Variants in FHIP1A observed in about 807,000 individuals in gnomAD.
FHIP1A encodes the protein FHF complex subunit HOOK interacting protein 1A.
A neutral mutation model predicts 88.6 loss-of-function variants in FHIP1A; 61 were observed. The observed-to-expected ratio is 0.69, with a 90% CI of 0.56 to 0.85. The LOEUF is 0.85. FHIP1A is among the 40% of genes least tolerant of loss of function. The pLI is 0.00. For missense variants in FHIP1A, 1,154 were observed against 1,273.5 expected, an observed-to-expected ratio of 0.91 and a Z score of 1.43; for synonymous variants, 478 against 496.0, an observed-to-expected ratio of 0.96 and a Z score of 0.48.
intron 2 of FHIP1A, among the ~76,000 whole-genome samples, chr4:151,468,428 G>A (rs1207209778): frequency 6.6e-6 from 1 of 152,118 alleles, no homozygotes; most frequent in Non-Finnish European, 1.5e-5. Context: ...AGAACCACTG[G>A]TGTCAGTGAA....
chr4:151,572,579 A>C (rs939401226), intron 4 of FHIP1A, among the ~76,000 whole-genome samples: 14 of 152,180 alleles, frequency 9.2e-5, no homozygotes, highest in African/African-American at 3.4e-4. Context: ...CTGTATGGAA[A>C]CTTTTGTGTA....
chr4:151,668,849 G>A lies in FHIP1A; in HGVS notation c.*6095G>A, dbSNP rs1482273178. 8.9e-6 allele frequency among the ~76,000 whole-genome samples: 1 copy of A among 111,946 alleles called. No individual in the cohort carries two copies. The highest frequency in any genetic ancestry group is 4.2e-5 in the African/African-American group (1 of 23,656). 73.4% of individuals were successfully genotyped at this position (111,946 alleles called of 152,430 possible). On this transcript the variant is annotated 3_prime_UTR_variant, in exon 14 of 14. Coordinates refer to ENST00000435205, the MANE Select transcript of FHIP1A (RefSeq NM_001109977.3). ...CAGGGTTTGGGCCTGACCAGGCAGAGCTGGTTCAAGCCAGCCTGGGGCAGA... is the reference window on the plus strand; with the variant it reads ...CAGGGTTTGGGCCTGACCAGGCAGAACTGGTTCAAGCCAGCCTGGGGCAGA...
chr4:151,619,864 G>A (rs760130070), intron 7 of FHIP1A, among the ~76,000 whole-genome samples: 2 of 152,120 alleles, frequency 1.3e-5, no homozygotes, highest in African/African-American at 4.8e-5. Flanking sequence ...TTACATTACA[G>A]AAAACTCCCT....
intron 8 of FHIP1A, among the ~76,000 whole-genome samples, chr4:151,633,087 A>G (rs1736217131): frequency 6.6e-6 from 1 of 151,904 alleles, no homozygotes; most frequent in African/African-American, 2.4e-5. Context: ...CTAAGAAAAA[A>G]GAGAGATGAC....
chr4:151,512,393 G>A (rs1461166454), intron 3 of FHIP1A, among the ~76,000 whole-genome samples: 8 of 152,190 alleles, frequency 5.3e-5, no homozygotes, highest in African/African-American at 1.4e-4. Flanking sequence ...AAAGCAGAGC[G>A]CCGCTCCTCC....
At chr4:151,491,473 G>A (rs976645086) in intron 3 of FHIP1A, among the ~76,000 whole-genome samples, 2 of 151,976 alleles carry the variant, frequency 1.3e-5, no homozygotes, top group Non-Finnish European at 2.9e-5. Flanking sequence ...AGCACTATAA[G>A]AAATGCTAAG....
At chr4:151,485,591 GTTT>G (rs869041330) in intron 3 of FHIP1A, among the ~76,000 whole-genome samples, 1 of 135,796 alleles carries the variant, frequency 7.4e-6, no homozygotes, top group Non-Finnish European at 1.6e-5. Context: ...GGAGCTCAGA[GTTT>G]TTTTTTTTTT....
chr4:151,427,945 A>C (rs1733449029), intron 1 of FHIP1A, among the ~76,000 whole-genome samples: 1 of 152,202 alleles, frequency 6.6e-6, no homozygotes, highest in African/African-American at 2.4e-5. Flanking sequence ...TTTCTGAGCC[A>C]TGCCATCCTT....
At chr4:151,523,703 C>G (rs1423895396) in intron 3 of FHIP1A, among the ~76,000 whole-genome samples, 2 of 152,160 alleles carry the variant, frequency 1.3e-5, no homozygotes, top group Non-Finnish European at 2.9e-5. Flanking sequence ...TCCTTTAGCC[C>G]TATCCTTAGC....
intron 7 of FHIP1A, among the ~76,000 whole-genome samples, chr4:151,595,305 G>C (rs915469021): frequency 2.6e-5 from 4 of 152,222 alleles, no homozygotes; most frequent in African/African-American, 9.6e-5. Context: ...TTCAGGAGCA[G>C]GTTGTTCAGT....
At chr4:151,526,684 G>A (rs1318279285) in intron 3 of FHIP1A, among the ~76,000 whole-genome samples, 3 of 151,600 alleles carry the variant, frequency 2.0e-5, no homozygotes, top group Non-Finnish European at 2.9e-5. Flanking sequence ...CCTCCCTCCC[G>A]GACGAGGTGG....
chr4:151,560,557 C>T (rs1472548380), intron 3 of FHIP1A, among the ~76,000 whole-genome samples: 2 of 151,974 alleles, frequency 1.3e-5, no homozygotes, highest in Non-Finnish European at 2.9e-5. Context: ...TTTTTTTCTG[C>T]GTTTACCTTA....
intron 5 of FHIP1A, among the ~76,000 whole-genome samples, chr4:151,581,944 GA>G (rs1463972331): frequency 1.3e-5 from 2 of 152,178 alleles, no homozygotes; most frequent in Non-Finnish European, 2.9e-5. Context: ...GGAAAAGAAG[GA>G]GATTGAAGAT....
intron 3 of FHIP1A, among the ~76,000 whole-genome samples, chr4:151,497,587 A>T (rs1336655894): frequency 6.6e-6 from 1 of 152,190 alleles, no homozygotes; most frequent in Non-Finnish European, 1.5e-5. Context: ...CCTCCAGAGG[A>T]TATTTAGCAA....
intron 1 of FHIP1A, among the ~76,000 whole-genome samples, chr4:151,439,340 A>C (rs1009670129): frequency 2.6e-5 from 4 of 152,190 alleles, no homozygotes; most frequent in African/African-American, 9.6e-5. Context: ...GTCTGACACA[A>C]AGTAAGTGCT....
chr4:151,516,690 C>T (rs1731251096), intron 3 of FHIP1A, among the ~76,000 whole-genome samples: 1 of 152,170 alleles, frequency 6.6e-6, no homozygotes, highest in Non-Finnish European at 1.5e-5. Context: ...AGCCAAAAGA[C>T]ACATGAAAAA....
chr4:151,604,852 A>G (rs1735012977), intron 7 of FHIP1A, among the ~76,000 whole-genome samples: 1 of 150,966 alleles, frequency 6.6e-6, no homozygotes, highest in Non-Finnish European at 1.5e-5. Flanking sequence ...CCATCTCAAA[A>G]AAAAAAAATA....
chr4:151,626,798 C>T (rs569812831), intron 7 of FHIP1A, among the ~76,000 whole-genome samples: 1 of 152,274 alleles, frequency 6.6e-6, no homozygotes, highest in Admixed American at 6.5e-5. Flanking sequence ...ATAATGGGTG[C>T]ATGAAGAAGA....
chr4:151,496,771 A>G (rs1304753182), intron 3 of FHIP1A, among the ~76,000 whole-genome samples: 1 of 134,882 alleles, frequency 7.4e-6, no homozygotes, highest in African/African-American at 2.9e-5. Context: ...CATGTTGCCC[A>G]GGCTGGTTTT....
Sources: allele counts gnomAD v4.1 joint callset (sites outside exome capture counted in the v4.1 genomes callset), GRCh38; gene constraint gnomAD v4.1.1; transcripts MANE v1.5; gene names NCBI Gene and HGNC (gene_info 2026-07-23, HGNC 2026-07-21).